Variants in PDZRN4 observed in about 807,000 individuals in gnomAD.
The protein encoded by PDZRN4 is PDZ domain-containing RING finger protein 4.
A neutral mutation model predicts 99.0 loss-of-function variants in PDZRN4; 70 were observed. The observed-to-expected ratio is 0.71, with a 90% CI of 0.58 to 0.86. The LOEUF is 0.86. Among genes scored for constraint, PDZRN4 ranks in the 40% least tolerant of loss-of-function variants. The pLI is 0.00. For missense variants in PDZRN4, 1,474 were observed against 1,331.2 expected, an observed-to-expected ratio of 1.11 and a Z score of -1.67; for synonymous variants, 551 against 501.6, an observed-to-expected ratio of 1.10 and a Z score of -1.32.
At chr12:41,292,809 C>A (rs1248775653) in intron 3 of PDZRN4, among the ~76,000 whole-genome samples, 1 of 152,018 alleles carries the variant, frequency 6.6e-6, no homozygotes, top group Non-Finnish European at 1.5e-5. Context: ...GAGAGTTGTG[C>A]ATCACACCAT....
chr12:41,359,663 C>T (rs1951951561), intron 3 of PDZRN4, among the ~76,000 whole-genome samples: 1 of 151,768 alleles, frequency 6.6e-6, no homozygotes, highest in Admixed American at 6.6e-5. Flanking sequence ...TTGCCTGTCT[C>T]CATATATGAC....
At chr12:41,423,378 A>G (rs10735996) in intron 3 of PDZRN4, among the ~76,000 whole-genome samples, 72,366 of 151,686 alleles carry the variant, frequency 0.48, 17,499 homozygotes, top group African/African-American at 0.56. Flanking sequence ...TCCCACTGAT[A>G]AGTGAGAACA....
At chr12:41,319,355 T>C (rs1400166512) in intron 3 of PDZRN4, among the ~76,000 whole-genome samples, 2 of 152,074 alleles carry the variant, frequency 1.3e-5, no homozygotes, top group Non-Finnish European at 2.9e-5. Flanking sequence ...TTTGCAGAGG[T>C]TGGGAGAGAA....
chr12:41,277,921 T>C (rs1418595701), intron 3 of PDZRN4, among the ~76,000 whole-genome samples: 1 of 152,180 alleles, frequency 6.6e-6, no homozygotes, highest in Non-Finnish European at 1.5e-5. Context: ...TGAAAGGTGA[T>C]GTGGAATAAA....
intron 3 of PDZRN4, among the ~76,000 whole-genome samples, chr12:41,273,739 A>G (rs1011346842): frequency 2.0e-5 from 3 of 152,106 alleles, no homozygotes; most frequent in African/African-American, 7.2e-5. Flanking sequence ...TAATTGATAA[A>G]ATATGTTTTC....
chr12:41,319,126 C>T (rs1951657933), intron 3 of PDZRN4, among the ~76,000 whole-genome samples: 1 of 152,158 alleles, frequency 6.6e-6, no homozygotes, highest in South Asian at 2.1e-4. Context: ...ATCGTGGTCG[C>T]ATTAATGCCT....
intron 3 of PDZRN4, among the ~76,000 whole-genome samples, chr12:41,422,685 C>T (rs10748304): frequency 0.55 from 83,879 of 151,510 alleles, 24,592 homozygotes; most frequent in African/African-American, 0.77. Flanking sequence ...ATGGGGGAAA[C>T]GGCCCCCATG....
intron 5 of PDZRN4, among the ~76,000 whole-genome samples, chr12:41,524,238 T>C (rs1938534919): frequency 6.6e-6 from 1 of 152,178 alleles, no homozygotes; most frequent in East Asian, 1.9e-4. Flanking sequence ...ACATCTCATG[T>C]TCCTGGACTG....
chr12:41,194,222 G>T, intron 3 of PDZRN4, 34 bp downstream of exon 3: 1 of 949,912 alleles, frequency 1.1e-6, no homozygotes, highest in South Asian at 1.3e-5. Flanking sequence ...TATGATCCAT[G>T]CAAGAAAGAT....
intron 5 of PDZRN4, among the ~76,000 whole-genome samples, chr12:41,542,583 C>G (rs1002697273): frequency 7.9e-5 from 12 of 152,122 alleles, no homozygotes; most frequent in Admixed American, 2.0e-4. Context: ...CCATGAACCC[C>G]CAGACCTCAG....
chr12:41,287,789 A>C (rs1951430899), intron 3 of PDZRN4, among the ~76,000 whole-genome samples: 1 of 152,340 alleles, frequency 6.6e-6, no homozygotes, highest in East Asian at 1.9e-4. Context: ...CTTACTGTTT[A>C]GTGTAAACTC....
intron 3 of PDZRN4, among the ~76,000 whole-genome samples, chr12:41,252,673 G>GAGGTTGC (rs2120812052): frequency 6.6e-6 from 1 of 152,238 alleles, no homozygotes; most frequent in Admixed American, 6.5e-5. Flanking sequence ...CCGGGAGGTG[G>GAGGTTGC]AGGTTGCAGT....
chr12:41,450,984 A>G (rs951041770), intron 3 of PDZRN4, among the ~76,000 whole-genome samples: 5 of 151,850 alleles, frequency 3.3e-5, no homozygotes, highest in Non-Finnish European at 5.9e-5. Flanking sequence ...TACTATATAT[A>G]TATAATGTAA....
intron 3 of PDZRN4, among the ~76,000 whole-genome samples, chr12:41,293,949 A>AT (rs1240916877): frequency 1.3e-5 from 2 of 152,204 alleles, no homozygotes; most frequent in African/African-American, 2.4e-5. Context: ...TTCTCTTTTC[A>AT]TAAGTATTCT....
At chr12:41,527,375 G>A (rs1469460295) in intron 5 of PDZRN4, among the ~76,000 whole-genome samples, 1 of 152,130 alleles carries the variant, frequency 6.6e-6, no homozygotes, top group Non-Finnish European at 1.5e-5. Context: ...CAGGTAATGG[G>A]ACAGCAATTC....
chr12:41,544,333 A>C (rs184594845), intron 5 of PDZRN4, among the ~76,000 whole-genome samples: 1 of 152,222 alleles, frequency 6.6e-6, no homozygotes, highest in Non-Finnish European at 1.5e-5. Context: ...TACAGCTTTC[A>C]GAACGTATTC....
At chr12:41,437,219 T>C (rs1192630247) in intron 3 of PDZRN4, among the ~76,000 whole-genome samples, 2 of 152,216 alleles carry the variant, frequency 1.3e-5, no homozygotes, top group African/African-American at 4.8e-5. Flanking sequence ...ATGATGCCCC[T>C]GCCTTCTCTT....
chr12:41,317,319 G>A (rs898801624), intron 3 of PDZRN4, among the ~76,000 whole-genome samples: 4 of 151,864 alleles, frequency 2.6e-5, no homozygotes, highest in African/African-American at 9.7e-5. Context: ...TGTTGCTCAA[G>A]TTGGAAGTCA....
At chr12:41,560,150 C>A (rs552279126) in intron 7 of PDZRN4, among the ~76,000 whole-genome samples, 31 of 152,220 alleles carry the variant, frequency 2.0e-4, no homozygotes, top group African/African-American at 7.5e-4. Context: ...TGTCTCTAGA[C>A]TTTGATCACC....
Sources: gnomAD v4.1 joint callset for allele counts (sites outside exome capture counted in the v4.1 genomes callset) on GRCh38, gnomAD v4.1.1 for gene constraint, MANE v1.5 for transcripts, NCBI Gene and HGNC (gene_info 2026-07-23, HGNC 2026-07-21) for gene names.